MAGI3: variants seen among roughly 807,000 people sequenced by gnomAD.
MAGI3 encodes the protein membrane associated guanylate kinase, WW and PDZ domain containing 3.
In MAGI3, 43 loss-of-function variants were observed where a neutral mutation model predicts 121.8. The observed-to-expected ratio is 0.35, with a 90% CI of 0.28 to 0.46. The LOEUF (loss-of-function observed/expected upper bound fraction) is 0.46, where lower values mean the gene tolerates loss of function less well. MAGI3 is among the 20% of genes least tolerant of loss of function. MAGI3 has a pLI of 1.00. For synonymous variants in MAGI3, 553 were observed against 639.3 expected (o/e 0.86, Z 2.04); for missense variants, 1,547 against 1,797.3 (o/e 0.86, Z 2.52).
At chr1:113,558,723 A>C (rs1660096786) in intron 2 of MAGI3, among the ~76,000 whole-genome samples, 1 of 152,198 alleles carries the variant, frequency 6.6e-6, no homozygotes, top group African/African-American at 2.4e-5. Context: ...AACCCCAGTA[A>C]GATACTCCAT....
At chr1:113,557,284 A>G (rs1210778312) in intron 2 of MAGI3, among the ~76,000 whole-genome samples, 1 of 152,122 alleles carries the variant, frequency 6.6e-6, no homozygotes, top group Non-Finnish European at 1.5e-5. Context: ...TACTATGGAC[A>G]GAGCTCTGAT....
At chr1:113,461,249 A>G (rs931905754) in intron 1 of MAGI3, among the ~76,000 whole-genome samples, 1 of 152,180 alleles carries the variant, frequency 6.6e-6, no homozygotes, top group Non-Finnish European at 1.5e-5. Flanking sequence ...ACCCTTACGG[A>G]ACCAAAAAAG....
At chr1:113,584,894 T>G (rs1648257356) in intron 3 of MAGI3, among the ~76,000 whole-genome samples, 1 of 152,042 alleles carries the variant, frequency 6.6e-6, no homozygotes, top group Non-Finnish European at 1.5e-5. Context: ...CTTTCCCCTA[T>G]TTCTGCTCTC....
At chr1:113,653,524 A>C (rs1653293881) in intron 14 of MAGI3, among the ~76,000 whole-genome samples, 1 of 151,960 alleles carries the variant, frequency 6.6e-6, no homozygotes, top group Non-Finnish European at 1.5e-5. Context: ...ATGAGCCGAG[A>C]TCGCGCCACT....
At chr1:113,521,205 G>A (rs1291215058) in intron 1 of MAGI3, among the ~76,000 whole-genome samples, 1 of 150,554 alleles carries the variant, frequency 6.6e-6, no homozygotes, top group Admixed American at 6.6e-5. Context: ...TCCTGCCTCA[G>A]CCTCTGAGTA....
At position 113,580,606 on chromosome 1, in the gene MAGI3, A is replaced by T; in HGVS notation, c.498A>T (p.Glu166Asp). The change falls in exon 3 of 21, where the codon GAA (glutamate) becomes GAT (aspartate). Residue 166 changes from glutamate (E) to aspartate (D), a missense_variant. By Grantham distance (45) the Glu-to-Asp change is conservative. Transcript: ENST00000307546. Reference sequence around the variant, plus strand: ...TGGATTATAATTTCATTTCCGTTGAACAGTTCAAAGCACTGGAAGAGAGTG... The same window carrying T: ...TGGATTATAATTTCATTTCCGTTGATCAGTTCAAAGCACTGGAAGAGAGTG... ...PGVDYNFISVEQFKALEESGA... is the reference protein window; with the variant it reads ...PGVDYNFISVDQFKALEESGA... The T allele has an allele frequency of 6.2e-7, 1 of 1,612,408 alleles. No homozygotes were observed. Among genetic ancestry groups the T allele is most frequent in the South Asian group, 1.1e-5 (1 of 90,960 alleles).
chr1:113,587,656 C>T (rs1005850066), intron 4 of MAGI3, among the ~76,000 whole-genome samples: 2 of 152,108 alleles, frequency 1.3e-5, no homozygotes, highest in African/African-American at 4.8e-5. Context: ...TGGTCATGTA[C>T]AATAACATAT....
intron 1 of MAGI3, among the ~76,000 whole-genome samples, chr1:113,448,275 TACA>T (rs1276825500): frequency 8.5e-5 from 13 of 152,228 alleles, no homozygotes; most frequent in Non-Finnish European, 2.9e-5. Context: ...AGATGTATGT[TACA>T]ACAAGGCTTA....
At chr1:113,633,301 G>A (rs1403046987) in intron 9 of MAGI3, among the ~76,000 whole-genome samples, 3 of 105,432 alleles carry the variant, frequency 2.8e-5, no homozygotes, top group South Asian at 3.7e-4. Context: ...TCGCTCTGTC[G>A]CCCAGGCTGG....
At chr1:113,476,166 A>T (rs1029119394) in intron 1 of MAGI3, among the ~76,000 whole-genome samples, 23 of 152,250 alleles carry the variant, frequency 1.5e-4, no homozygotes, top group African/African-American at 5.5e-4. Flanking sequence ...CTTTTCAAAA[A>T]ACCAGCTTCT....
At chr1:113,546,313 A>G (rs1659531440) in intron 1 of MAGI3, among the ~76,000 whole-genome samples, 1 of 152,122 alleles carries the variant, frequency 6.6e-6, no homozygotes, top group African/African-American at 2.4e-5. Context: ...ATACTTGCAG[A>G]TGTTTACATA....
intron 1 of MAGI3, among the ~76,000 whole-genome samples, chr1:113,539,345 A>T (rs1659163074): frequency 6.6e-6 from 1 of 151,626 alleles, no homozygotes; most frequent in Admixed American, 6.6e-5. Context: ...GTGAGCCAAG[A>T]TCACGCCACT....
At chr1:113,407,390 A>C (rs1471962452) in intron 1 of MAGI3, among the ~76,000 whole-genome samples, 2 of 152,112 alleles carry the variant, frequency 1.3e-5, no homozygotes, top group Non-Finnish European at 2.9e-5. Flanking sequence ...GAGAACCTCT[A>C]GGTTTTTGCT....
At position 113,642,149 on chromosome 1, in the gene MAGI3, A is replaced by G; in HGVS notation, c.1599A>G (p.Pro533=). 6.2e-7 allele frequency: 1 copy of G among 1,614,208 alleles called. No homozygotes were observed. The highest frequency in any genetic ancestry group is 8.5e-7 in the Non-Finnish European group (1 of 1,180,030). ...ETCMNPQDFK[P]GAMVLEQNGK... ...GCATGAATCCTCAGGATTTTAAGCC[A>G]GGAGCAATGGTTCTGGAGCAGAATG... The change falls in exon 10 of 21, where the codon CCA becomes CCG. Residue 533 remains proline, a synonymous_variant. Transcript: ENST00000307546.
chr1:113,610,500 G>A lies in MAGI3; in HGVS notation c.1019-4101G>A, dbSNP rs148659729. Among the ~76,000 whole-genome samples the A allele has an allele frequency of 5.9e-5, 9 of 151,914 alleles. No individual in the cohort carries two copies. In the East Asian group the frequency reaches 9.7e-4, roughly 16 times the overall value. On this transcript the variant is annotated intron_variant, in intron 6 of 20. Coordinates refer to ENST00000307546, the MANE Select transcript of MAGI3 (RefSeq NM_001142782.2). The stretch of plus-strand genomic sequence containing the variant: ...TCTCTTTGGAGTACCGGGTTCATAC[G>A]GCCAAGAGCTTGTTATTTATCTGTA...
chr1:113,589,268 A>G (rs1200197631), intron 4 of MAGI3, among the ~76,000 whole-genome samples: 3 of 152,132 alleles, frequency 2.0e-5, no homozygotes, highest in African/African-American at 7.2e-5. Context: ...TGAAATAATT[A>G]TCTTGGAGAA....
intron 4 of MAGI3, among the ~76,000 whole-genome samples, chr1:113,586,487 C>G (rs1648373118): frequency 1.3e-5 from 2 of 152,258 alleles, no homozygotes; most frequent in African/African-American, 4.8e-5. Context: ...ATGTCCCACT[C>G]CAGAGTGTGA....
chr1:113,408,359 GCAAA>G (rs1651800331), intron 1 of MAGI3, among the ~76,000 whole-genome samples: 3 of 152,216 alleles, frequency 2.0e-5, no homozygotes, highest in East Asian at 3.9e-4. Context: ...AGTGTGAAGG[GCAAA>G]CAGATTTTTC....
rs58889419 is a variant in MAGI3, at chr1:113,603,352, CCAA to C, written c.1018+8817_1018+8819del. Among the ~76,000 whole-genome samples the C allele has an allele frequency of 8.1e-4, 122 of 150,734 alleles. 1 individual carries two copies. The South Asian group carries it at 0.012, about 15-fold the overall frequency. On this transcript the variant is annotated intron_variant, in intron 6 of 20. Coordinates refer to ENST00000307546, the MANE Select transcript of MAGI3 (RefSeq NM_001142782.2). ...GATTGAATCAGTAATTTAAAAATTGCCAACAACAACAACAACAACAACAACAAA... is the reference window on the plus strand; with the variant it reads ...GATTGAATCAGTAATTTAAAAATTGCCAACAACAACAACAACAACAACAAA...
Sources: allele counts gnomAD v4.1 joint callset (sites outside exome capture counted in the v4.1 genomes callset), GRCh38; gene constraint gnomAD v4.1.1; transcripts MANE v1.5; gene names NCBI Gene and HGNC (gene_info 2026-07-23, HGNC 2026-07-21).